ADCY2: variants seen among roughly 807,000 people sequenced by gnomAD.
The protein encoded by ADCY2 is adenylate cyclase type 2.
ADCY2 carries 31 observed loss-of-function variants against 125.2 expected under a neutral mutation model. That is an observed-to-expected ratio of 0.25 (90% CI 0.19 to 0.33). The LOEUF (loss-of-function observed/expected upper bound fraction) is 0.33, where lower values mean the gene tolerates loss of function less well. ADCY2 is among the 10% of genes least tolerant of loss of function. The pLI is 1.00. For missense variants in ADCY2, 904 were observed against 1,418.2 expected, an observed-to-expected ratio of 0.64 and a Z score of 5.82; for synonymous variants, 512 against 548.4, an observed-to-expected ratio of 0.93 and a Z score of 0.93.
intron 2 of ADCY2, among the ~76,000 whole-genome samples, chr5:7,482,603 C>T (rs1238063226): frequency 6.6e-6 from 1 of 151,902 alleles, no homozygotes; most frequent in East Asian, 1.9e-4. Context: ...CTAGAACTAC[C>T]ATACAATCTA....
At position 7,669,066 on chromosome 5, in the gene ADCY2, C is replaced by T. The variant is rs1739849692; in HGVS notation, c.721-21625C>T. 2.0e-5 allele frequency among the ~76,000 whole-genome samples: 3 copies of T among 152,218 alleles called. No homozygotes were observed. The South Asian group carries it at 6.2e-4, about 32-fold the overall frequency. On this transcript the variant is annotated intron_variant, in intron 4 of 24. Transcript: ENST00000338316. The stretch of plus-strand genomic sequence containing the variant: ...GGCCTGATGGTGGGAAGCAGTGCAC[C>T]TTGTGAATATTGTGGGAATCACCTG...
rs190808579 is a variant in ADCY2 at position 7,505,151 on chromosome 5, T to C, written c.409-15587T>C. On this transcript the variant is annotated intron_variant, in intron 2 of 24. Coordinates refer to ENST00000338316, the MANE Select transcript of ADCY2 (RefSeq NM_020546.3). Reference sequence around the variant, plus strand: ...CTTCTACCTTGGCCTCCCAAAGTGCTAGGATTACAGGTGTGAGCCACCGTG... The same window carrying C: ...CTTCTACCTTGGCCTCCCAAAGTGCCAGGATTACAGGTGTGAGCCACCGTG... Among the ~76,000 whole-genome samples the C allele has an allele frequency of 1.5e-4, 23 of 152,332 alleles. No individual in the cohort carries two copies. In the East Asian group the frequency reaches 4.3e-3, roughly 28 times the overall value.
At chr5:7,592,626 A>C (rs1375699980) in intron 3 of ADCY2, among the ~76,000 whole-genome samples, 1 of 152,210 alleles carries the variant, frequency 6.6e-6, no homozygotes, top group Non-Finnish European at 1.5e-5. Flanking sequence ...ATAGTAAGGA[A>C]GACCTTCCTT....
At chr5:7,824,472 G>T (rs564487932) in intron 24 of ADCY2, among the ~76,000 whole-genome samples, 6 of 152,170 alleles carry the variant, frequency 3.9e-5, no homozygotes, top group African/African-American at 7.2e-5. Context: ...GCACCAAAAG[G>T]CCACTTTTGG....
At chr5:7,736,437 A>T (rs1268374161) in intron 14 of ADCY2, among the ~76,000 whole-genome samples, 2 of 152,212 alleles carry the variant, frequency 1.3e-5, no homozygotes, top group African/African-American at 4.8e-5. Flanking sequence ...TGGGCATGTC[A>T]TATGTTACAG....
At chr5:7,805,534 C>T (rs938832686) in intron 22 of ADCY2, among the ~76,000 whole-genome samples, 2 of 152,124 alleles carry the variant, frequency 1.3e-5, no homozygotes, top group African/African-American at 4.8e-5. Flanking sequence ...AAAAAGACCT[C>T]CTTTCCCCTC....
chr5:7,498,606 CTG>C (rs1344722137), intron 2 of ADCY2, among the ~76,000 whole-genome samples: 1 of 152,168 alleles, frequency 6.6e-6, no homozygotes, highest in Non-Finnish European at 1.5e-5. Flanking sequence ...ACTTGAAAAA[CTG>C]TAAATTAGTA....
chr5:7,734,130 CG>C (rs1742181541), intron 14 of ADCY2, among the ~76,000 whole-genome samples: 1 of 152,128 alleles, frequency 6.6e-6, no homozygotes, highest in South Asian at 2.1e-4. Flanking sequence ...CTGAATCCCA[CG>C]CAACAGATGT....
intron 16 of ADCY2, among the ~76,000 whole-genome samples, chr5:7,763,381 G>C (rs1162685459): frequency 2.0e-5 from 3 of 151,842 alleles, no homozygotes; most frequent in Non-Finnish European, 4.4e-5. Flanking sequence ...GTGAGCCACC[G>C]CGCCCGGCCT....
chr5:7,466,993 C>T (rs142589685), intron 2 of ADCY2, among the ~76,000 whole-genome samples: 3 of 152,268 alleles, frequency 2.0e-5, no homozygotes, highest in African/African-American at 4.8e-5. Flanking sequence ...CCAGCATCCT[C>T]GTCAGCCTGG....
At chr5:7,592,259 AT>A (rs1736868660) in intron 3 of ADCY2, among the ~76,000 whole-genome samples, 1 of 152,226 alleles carries the variant, frequency 6.6e-6, no homozygotes, top group South Asian at 2.1e-4. Context: ...TCATTTTTAA[AT>A]ATTATGAAAA....
At chr5:7,457,566 G>A (rs1040028936) in intron 2 of ADCY2, among the ~76,000 whole-genome samples, 6 of 152,160 alleles carry the variant, frequency 3.9e-5, no homozygotes, top group South Asian at 2.1e-4. Flanking sequence ...AGCATCAAGC[G>A]GTGGTGGGAA....
chr5:7,404,322 T>G (rs377529227), intron 1 of ADCY2, among the ~76,000 whole-genome samples: 2 of 152,344 alleles, frequency 1.3e-5, no homozygotes, highest in East Asian at 3.9e-4. Flanking sequence ...ATTACTTCTT[T>G]TGTGTGTGTT....
chr5:7,512,248 A>G (rs925131976), intron 2 of ADCY2, among the ~76,000 whole-genome samples: 1 of 150,104 alleles, frequency 6.7e-6, no homozygotes, highest in Non-Finnish European at 1.5e-5. Flanking sequence ...AAAGAAAACC[A>G]TCAGAGGGCT....
intron 3 of ADCY2, among the ~76,000 whole-genome samples, chr5:7,573,506 A>G (rs2126603571): frequency 6.6e-6 from 1 of 151,988 alleles, no homozygotes; most frequent in African/African-American, 2.4e-5. Context: ...GATTATTTAT[A>G]TACATTAAAA....
chr5:7,551,762 A>G (rs575022739), intron 3 of ADCY2, among the ~76,000 whole-genome samples: 7 of 152,290 alleles, frequency 4.6e-5, no homozygotes, highest in African/African-American at 1.7e-4. Flanking sequence ...GATGCCATAG[A>G]TCTTTTTTAT....
intron 1 of ADCY2, among the ~76,000 whole-genome samples, chr5:7,405,303 CTT>C (rs748815042): frequency 2.9e-4 from 39 of 136,454 alleles, no homozygotes; most frequent in East Asian, 2.1e-4. Flanking sequence ...TTGAACTACT[CTT>C]TTTTTTTTTT....
intron 3 of ADCY2, among the ~76,000 whole-genome samples, chr5:7,613,417 G>A (rs1737641754): frequency 6.6e-6 from 1 of 152,206 alleles, no homozygotes; most frequent in Admixed American, 6.5e-5. Flanking sequence ...TCCCGCATTA[G>A]GGGAGACCCC....
intron 3 of ADCY2, among the ~76,000 whole-genome samples, chr5:7,559,732 A>G (rs945290396): frequency 3.3e-5 from 5 of 152,164 alleles, no homozygotes; most frequent in African/African-American, 4.8e-5. Context: ...GTGGTGAGAG[A>G]GGACATCCTT....
Sources: allele counts gnomAD v4.1 joint callset (sites outside exome capture counted in the v4.1 genomes callset), GRCh38; gene constraint gnomAD v4.1.1; transcripts MANE v1.5; gene names NCBI Gene and HGNC (gene_info 2026-07-23, HGNC 2026-07-21).